Variants in HADHA observed in about 807,000 individuals in gnomAD.
HADHA encodes the protein trifunctional enzyme subunit alpha, mitochondrial.
Under a neutral mutation model 91.3 loss-of-function variants are expected in HADHA, and 59 were observed. That is an observed-to-expected ratio of 0.65 (90% confidence interval 0.52 to 0.80). The LOEUF (loss-of-function observed/expected upper bound fraction) is 0.80, where lower values mean the gene tolerates loss of function less well. HADHA is among the 30% of genes least tolerant of loss of function. HADHA has a pLI of 0.00. For synonymous variants in HADHA, 320 were observed against 338.9 expected, an observed-to-expected ratio of 0.94 and a Z score of 0.61; for missense variants, 800 against 927.6, an observed-to-expected ratio of 0.86 and a Z score of 1.79.
rs757442432 is a variant in HADHA, at chr2:26,201,142, T to C, written c.1392+7A>G. On this transcript the variant is annotated splice_region_variant and intron_variant, in intron 13 of 19. Transcript: ENST00000380649. The stretch of plus-strand genomic sequence containing the variant: ...CTAGGATTCAAGTACAACAGCCCCT[T>C]GCTTACCGCTTCTACTTCCTTTAGC... 7.5e-6 allele frequency: 12 copies of C among 1,606,856 alleles called. No homozygotes were observed. The Admixed American group carries it at 1.8e-4, about 25-fold the overall frequency.
chr2:26,238,286 G>A (rs1160100967), intron 3 of HADHA, among the ~76,000 whole-genome samples: 2 of 152,138 alleles, frequency 1.3e-5, no homozygotes, highest in Non-Finnish European at 2.9e-5. Flanking sequence ...TTATAGGTGT[G>A]AGCCACAGTG....
At position 26,212,601 on chromosome 2, in the gene HADHA, C is replaced by T. The variant is rs1016633639; in HGVS notation, c.944G>A (p.Gly315Glu). 6.2e-7 allele frequency: 1 copy of T among 1,603,358 alleles called. No homozygotes were observed. Reference sequence around the variant, plus strand: ...TTCACAGAGATAACCGGCATCACTCCCTTGCTCAATTCCAGTCTTTACCAC... The same window carrying T: ...TTCACAGAGATAACCGGCATCACTCTCTTGCTCAATTCCAGTCTTTACCAC... ...IDVVKTGIEQ[G>E]SDAGYLCESQ... The change falls in exon 10 of 20, where the codon GGG becomes GAG. Residue 315 changes from glycine to glutamate, a missense_variant. Physicochemically the swap from Gly to Glu is moderately conservative, Grantham distance 98. Transcript: ENST00000380649.
At chr2:26,193,815 C>A in intron 16 of HADHA, 43 bp from the exon 17 acceptor site, 1 of 1,495,182 alleles carries the variant, frequency 6.7e-7, no homozygotes, top group South Asian at 1.1e-5. Context: ...AAGGGCAGCC[C>A]AAATCCCCCC....
Position 26,194,463 on chromosome 2 carries a change from G to A in HADHA, c.1689+107C>T, listed in dbSNP as rs1021886952. 6.4e-6 allele frequency: 5 copies of A among 783,204 alleles called. No homozygotes were observed. The African/African-American group carries it at 6.7e-5, about 11-fold the overall frequency. The allele number at this position is 783,204 out of a possible 1,614,324, so 48.5% of individuals were successfully genotyped here. On this transcript the variant is annotated intron_variant, in intron 16 of 19. Coordinates refer to ENST00000380649, the MANE Select transcript of HADHA (RefSeq NM_000182.5). The stretch of plus-strand genomic sequence containing the variant: ...CCAGGGACCTTCCTAGACAAGAGCA[G>A]GAGTTGGTGTATCAGAAGGAAGCTT...
At chr2:26,215,785 T>C (rs1303372575) in intron 7 of HADHA, among the ~76,000 whole-genome samples, 2 of 152,194 alleles carry the variant, frequency 1.3e-5, no homozygotes, top group Non-Finnish European at 2.9e-5. Flanking sequence ...CAAGGAACAT[T>C]TGTGAAAGTC....
At position 26,231,376 on chromosome 2, in the gene HADHA, C is replaced by G. The variant is rs528924639; in HGVS notation, c.573+784G>C. On this transcript the variant is annotated intron_variant, in intron 6 of 19. Coordinates refer to ENST00000380649, the MANE Select transcript of HADHA (RefSeq NM_000182.5). Reference sequence around the variant, plus strand: ...GGCCCTTGAGTTGACATTAAGATTGCTCTGCAGCATCCAGGTCTGACTGTC... The same window carrying G: ...GGCCCTTGAGTTGACATTAAGATTGGTCTGCAGCATCCAGGTCTGACTGTC... Among the ~76,000 whole-genome samples the G allele has an allele frequency of 6.4e-4, 97 of 152,304 alleles. 1 individual carries two copies. The highest frequency in any genetic ancestry group is 2.3e-3 in the African/African-American group (95 of 41,582).
intron 14 of HADHA, among the ~76,000 whole-genome samples, chr2:26,196,210 T>G (rs991814946): frequency 6.6e-6 from 1 of 152,240 alleles, no homozygotes; most frequent in Admixed American, 6.5e-5. Flanking sequence ...TATGACGGGG[T>G]GGGATTCCAT....
rs573579576 is a variant in HADHA, at chr2:26,221,276, G to A, written c.677-6101C>T. On this transcript the variant is annotated intron_variant, in intron 7 of 19. Transcript: ENST00000380649. The surrounding 1 kb of genome is among the most constrained non-coding windows in gnomAD (Gnocchi z 4.8). The stretch of plus-strand genomic sequence containing the variant: ...CCTGAAGTGTCGGCAGCAGACAGAG[G>A]TGCTGTCTGGAGTCTTTAATAGATC... 3.9e-5 allele frequency among the ~76,000 whole-genome samples: 6 copies of A among 152,260 alleles called. No individual in the cohort carries two copies. The highest frequency in any genetic ancestry group is 1.4e-4 in the African/African-American group (6 of 41,542).
At chr2:26,191,807 G>A (rs1669514720) in intron 18 of HADHA, among the ~76,000 whole-genome samples, 179 bp from the exon 19 acceptor site, 1 of 152,236 alleles carries the variant, frequency 6.6e-6, no homozygotes, top group African/African-American at 2.4e-5. Flanking sequence ...AAAGTGGAGA[G>A]TAACTTGCCC....
rs1448524929 is a variant in HADHA at position 26,212,627 on chromosome 2, C to T, written c.919-1G>A. 1 of 1,591,400 alleles carries T rather than the reference C, an allele frequency of 6.3e-7. No homozygotes were observed. The highest frequency in any genetic ancestry group is 8.6e-7 in the Non-Finnish European group (1 of 1,159,316). On this transcript the variant is annotated splice_acceptor_variant, in intron 9 of 19. Coordinates refer to ENST00000380649, the MANE Select transcript of HADHA (RefSeq NM_000182.5). LOFTEE classifies it high-confidence loss of function. The stretch of plus-strand genomic sequence containing the variant: ...CTTGCTCAATTCCAGTCTTTACCAC[C>T]TAAAAAACATATAAAGCACTTGCTC...
At chr2:26,209,976 G>T in intron 10 of HADHA, 87 bp from the exon 11 acceptor site, 1 of 809,414 alleles carries the variant, frequency 1.2e-6, no homozygotes, top group Non-Finnish European at 2.2e-6. Flanking sequence ...CTGAAGAGCA[G>T]AGGTAATGCA....
intron 16 of HADHA, 66 bp from the exon 17 acceptor site, chr2:26,193,838 G>A: frequency 7.9e-7 from 1 of 1,269,670 alleles, no homozygotes; most frequent in East Asian, 2.3e-5. Context: ...AGGGCTCCCT[G>A]TACTGGCTCC....
chr2:26,220,475 G>A (rs1670349072), intron 7 of HADHA, among the ~76,000 whole-genome samples: 3 of 152,304 alleles, frequency 2.0e-5, no homozygotes, highest in African/African-American at 7.2e-5. Flanking sequence ...TAGGGGTGGT[G>A]ATTCCCACTT....
At chr2:26,238,614 G>A (rs1670817424) in intron 3 of HADHA, among the ~76,000 whole-genome samples, 2 of 152,132 alleles carry the variant, frequency 1.3e-5, no homozygotes, top group Non-Finnish European at 2.9e-5. Flanking sequence ...TATTTAAGAT[G>A]GGTAGGCAAA....
intron 11 of HADHA, among the ~76,000 whole-genome samples, chr2:26,204,616 T>C (rs1318144359): frequency 6.6e-6 from 1 of 152,208 alleles, no homozygotes; most frequent in African/African-American, 2.4e-5. Flanking sequence ...ATGGTTTTGC[T>C]CCCTTACCCA....
At chr2:26,204,793 G>C (rs533180933) in intron 11 of HADHA, among the ~76,000 whole-genome samples, 1 of 152,244 alleles carries the variant, frequency 6.6e-6, no homozygotes, top group South Asian at 2.1e-4. Context: ...ATGATGCCCA[G>C]GCTGGTCTCG....
chr2:26,194,318 T>TG (rs1002481883), intron 16 of HADHA, among the ~76,000 whole-genome samples: 3 of 151,988 alleles, frequency 2.0e-5, no homozygotes, highest in African/African-American at 2.4e-5. Context: ...GAAGACATGC[T>TG]GGGGGGTGGG....
In HADHA at chr2:26,209,877, G is replaced by A; in HGVS notation, c.988C>T (p.Leu330Phe). The change falls in exon 11 of 20, where the codon CTT (leucine) becomes TTT (phenylalanine). Residue 330 changes from leucine to phenylalanine, a missense_variant. Coordinates refer to ENST00000380649, the MANE Select transcript of HADHA (RefSeq NM_000182.5). ...GCCTTTGATTCTTTGGTCATTACAA[G>A]CTCTCCAAATTTCTGAAAAGTAAAG... is the stretch of plus-strand genomic sequence containing the variant. ...YLCESQKFGELVMTKESKALM... is the reference protein window; with the variant it reads ...YLCESQKFGEFVMTKESKALM... 2 of 1,574,432 alleles carry A rather than the reference G, an allele frequency of 1.3e-6. No homozygotes were observed. The highest frequency in any genetic ancestry group is 1.7e-6 in the Non-Finnish European group (2 of 1,143,904).
intron 14 of HADHA, 30 bp from the exon 15 acceptor site, chr2:26,195,262 C>G (rs376458931): frequency 2.5e-5 from 40 of 1,598,134 alleles, no homozygotes; most frequent in Middle Eastern, 1.7e-4. Flanking sequence ...GCCAACAGAT[C>G]GGAGAATGCG....
Sources: allele counts gnomAD v4.1 joint callset (sites outside exome capture counted in the v4.1 genomes callset), GRCh38; gene constraint gnomAD v4.1.1; non-coding constraint Gnocchi (gnomAD v3.1); transcripts MANE v1.5; gene names NCBI Gene and HGNC (gene_info 2026-07-23, HGNC 2026-07-21).